Variants in INO80D observed in about 807,000 individuals in gnomAD.
INO80D encodes the protein INO80 complex subunit D.
INO80D carries 21 observed loss-of-function variants against 87.6 expected under a neutral mutation model. The ratio of observed to expected loss-of-function variants is 0.24; its 90% CI spans 0.17 to 0.35. The LOEUF (loss-of-function observed/expected upper bound fraction) is 0.35. Ranked by LOEUF, INO80D falls within the 10% of genes least tolerant of loss-of-function variation. The probability of loss-of-function intolerance (pLI) is 1.00; values close to 1 mark genes in which losing one functional copy is unlikely to be tolerated. For missense variants in INO80D, 982 were observed against 1,280.7 expected, an observed-to-expected ratio of 0.77 and a Z score of 3.56; for synonymous variants, 440 against 491.0, an observed-to-expected ratio of 0.90 and a Z score of 1.37.
At position 206,062,824 on chromosome 2, in the gene INO80D, G is replaced by A; in HGVS notation, c.193C>T (p.Pro65Ser). 6.2e-7 allele frequency: 1 copy of A among 1,610,296 alleles called. No individual in the cohort carries two copies. Among genetic ancestry groups the A allele is most frequent in the Admixed American group, 1.7e-5 (1 of 58,448 alleles). Residue 65 changes from proline (P) to serine (S), a missense_variant, in exon 3 of 11, where the codon CCC becomes TCC. Transcript: ENST00000403263. This position sits in a 1 kb window ranked among gnomAD's most constrained non-coding sequence, Gnocchi z 4.6. ...CTACGATCCTCTGATTTGGGGATGG[G>A]GTTGGTGCAGCGTTGGCTGTTATAC... Reference protein sequence around the residue: ...AKYNSQRCTNPIPKSEDRRYC... With the variant: ...AKYNSQRCTNSIPKSEDRRYC...
chr2:206,044,801 G>A (rs1689152810), intron 5 of INO80D, among the ~76,000 whole-genome samples: 1 of 152,156 alleles, frequency 6.6e-6, no homozygotes, highest in South Asian at 2.1e-4. Context: ...CCATGTACCA[G>A]GTTTTGGCTG....
At chr2:206,058,263 C>CA (rs1388926498) in intron 3 of INO80D, among the ~76,000 whole-genome samples, 1 of 151,170 alleles carries the variant, frequency 6.6e-6, no homozygotes, top group Non-Finnish European at 1.5e-5. Flanking sequence ...ATTAAAAATA[C>CA]AAAAAATTAG....
At chr2:206,070,413 G>C (rs1278511063) in intron 1 of INO80D, among the ~76,000 whole-genome samples, 2 of 150,652 alleles carry the variant, frequency 1.3e-5, no homozygotes, top group Admixed American at 6.6e-5. Flanking sequence ...GCAACAGAAT[G>C]AGACTCTGTC....
At chr2:206,011,895 G>C (rs1237783798) in intron 8 of INO80D, among the ~76,000 whole-genome samples, 1 of 152,184 alleles carries the variant, frequency 6.6e-6, no homozygotes, top group Non-Finnish European at 1.5e-5. Flanking sequence ...AGAAAAATGA[G>C]GTAGAGTATG....
rs1216685376 is a variant in INO80D at position 206,085,102 on chromosome 2, C to T, written c.-124+799G>A. On this transcript the variant is annotated intron_variant, in intron 1 of 10. Coordinates refer to ENST00000403263, the MANE Select transcript of INO80D (RefSeq NM_017759.5). The surrounding 1 kb of genome is among the most constrained non-coding windows in gnomAD (Gnocchi z 4.5). ...TTTCAAAATAGCCGAGTGCGCTCCCCCACGCCCTGGGGGGTCCCGGGCGCT... is the reference window on the plus strand; with the variant it reads ...TTTCAAAATAGCCGAGTGCGCTCCCTCACGCCCTGGGGGGTCCCGGGCGCT... 2.0e-5 allele frequency among the ~76,000 whole-genome samples: 3 copies of T among 152,058 alleles called. No individual in the cohort carries two copies. In the East Asian group the frequency reaches 5.8e-4, roughly 30 times the overall value.
Position 206,013,328 on chromosome 2 carries a change from C to T in INO80D, c.1543-3534G>A, listed in dbSNP as rs369542424. 3.4e-4 allele frequency among the ~76,000 whole-genome samples: 52 copies of T among 151,718 alleles called. No individual in the cohort carries two copies. In the East Asian group the frequency reaches 6.6e-3, roughly 19 times the overall value. Reference sequence around the variant, plus strand: ...CAGCACTTTGGGAGGCCAAGGTGGGCGGATCATGAGGTCAGGAGATCGAGA... The same window carrying T: ...CAGCACTTTGGGAGGCCAAGGTGGGTGGATCATGAGGTCAGGAGATCGAGA... On this transcript the variant is annotated intron_variant, in intron 8 of 10. Transcript: ENST00000403263.
chr2:206,005,783 C>T (rs1396668921), intron 10 of INO80D, among the ~76,000 whole-genome samples: 2 of 152,154 alleles, frequency 1.3e-5, no homozygotes, highest in East Asian at 3.9e-4. Flanking sequence ...CAAAAACCAT[C>T]TTATCAAAGT....
intron 8 of INO80D, among the ~76,000 whole-genome samples, chr2:206,015,955 CAGGGGAACCTCTGCTAGA>C (rs1479012997): frequency 6.6e-6 from 1 of 152,108 alleles, no homozygotes; most frequent in African/African-American, 2.4e-5. Flanking sequence ...TGGGGCCCTC[CAGGGGAACCTCTGCTAGA>C]ATAGTGCAGA....
chr2:206,004,558 G>T lies in INO80D; in HGVS notation c.2894C>A (p.Ser965Tyr). 6.2e-7 allele frequency: 1 copy of T among 1,610,882 alleles called. No individual in the cohort carries two copies. Residue 965 changes from serine to tyrosine, a missense_variant, in exon 11 of 11, where the codon TCC (serine) becomes TAC (tyrosine). Physicochemically the swap from Ser to Tyr is moderately radical, Grantham distance 144. Coordinates refer to ENST00000403263, the MANE Select transcript of INO80D (RefSeq NM_017759.5). The surrounding 1 kb of genome is among the most constrained non-coding windows in gnomAD (Gnocchi z 4.9). ...GMGPSAELMA[S>Y]TSPKQQLPQF... is the part of the protein sequence containing the mutation. ...AGGGAGTTGCTGCTTGGGAGAGGTGGAGGCCATTAGTTCAGCAGAAGGCCC... is the reference window on the plus strand; with the variant it reads ...AGGGAGTTGCTGCTTGGGAGAGGTGTAGGCCATTAGTTCAGCAGAAGGCCC...
chr2:206,036,546 C>T (rs1296337288), intron 5 of INO80D, among the ~76,000 whole-genome samples: 1 of 152,074 alleles, frequency 6.6e-6, no homozygotes, highest in Non-Finnish European at 1.5e-5. Flanking sequence ...GACCCAAAGG[C>T]ATAAGCAAGA....
At chr2:206,030,868 G>A (rs1455393876) in intron 5 of INO80D, among the ~76,000 whole-genome samples, 1 of 152,140 alleles carries the variant, frequency 6.6e-6, no homozygotes, top group Non-Finnish European at 1.5e-5. Context: ...GAAGAAGAGA[G>A]AGAAGAAGGC....
chr2:206,001,378 G>A lies in INO80D; in HGVS notation c.*2990C>T, dbSNP rs182764612. The A allele has an allele frequency of 9.2e-5, 14 of 152,200 alleles. No individual in the cohort carries two copies. The East Asian group carries it at 2.7e-3, about 29-fold the overall frequency. 9.4% of individuals were successfully genotyped at this position (152,200 alleles called of 1,614,324 possible). A position where few individuals can be genotyped will look rare whatever the true frequency, so the allele number is the denominator to read the frequency against. The stretch of plus-strand genomic sequence containing the variant: ...ACAATCTAACTGGCCTTTATAAATA[G>A]TCCCAAAGAACTGCAGAAACAGAGT... On this transcript the variant is annotated 3_prime_UTR_variant, in exon 11 of 11. Coordinates refer to ENST00000403263, the MANE Select transcript of INO80D (RefSeq NM_017759.5).
chr2:206,070,714 C>G (rs915560467), intron 1 of INO80D, among the ~76,000 whole-genome samples: 1 of 147,152 alleles, frequency 6.8e-6, no homozygotes, highest in African/African-American at 2.5e-5. Flanking sequence ...GACTCCGTCT[C>G]AAAAAAAAAG....
intron 8 of INO80D, 134 bp downstream of exon 8, chr2:206,017,546 C>T: frequency 3.2e-6 from 2 of 632,470 alleles, no homozygotes; most frequent in Non-Finnish European, 5.1e-6. Context: ...TAAAATGTAT[C>T]TTAAGGGAAT....
intron 6 of INO80D, among the ~76,000 whole-genome samples, chr2:206,026,923 T>C (rs1688630235): frequency 6.6e-6 from 1 of 152,038 alleles, no homozygotes; most frequent in South Asian, 2.1e-4. Context: ...CATAGGGAAA[T>C]GGCTATGGTA....
chr2:206,066,532 G>A (rs1210044646), intron 1 of INO80D, among the ~76,000 whole-genome samples: 2 of 152,106 alleles, frequency 1.3e-5, no homozygotes, highest in South Asian at 4.1e-4. Flanking sequence ...GGCACCAGGC[G>A]TGGTGGCTCA....
chr2:206,020,551 T>G (rs1298856123), intron 6 of INO80D, among the ~76,000 whole-genome samples: 1 of 152,212 alleles, frequency 6.6e-6, no homozygotes, highest in Non-Finnish European at 1.5e-5. Context: ...GAACTCACTT[T>G]AGATCTATTT....
intron 3 of INO80D, among the ~76,000 whole-genome samples, chr2:206,058,023 T>C (rs1338392919): frequency 6.6e-6 from 1 of 152,200 alleles, no homozygotes; most frequent in East Asian, 1.9e-4. Context: ...CATTTGTTGA[T>C]GTCATGTTTT....
At chr2:206,012,202 A>G (rs817993) in intron 8 of INO80D, among the ~76,000 whole-genome samples, 109,220 of 152,110 alleles carry the variant, frequency 0.72, 40,063 homozygotes, top group South Asian at 0.84. Flanking sequence ...TCTGGAAAAT[A>G]CAGAAGTATA....
Sources: allele counts gnomAD v4.1 joint callset (sites outside exome capture counted in the v4.1 genomes callset), GRCh38; gene constraint gnomAD v4.1.1; non-coding constraint Gnocchi (gnomAD v3.1); transcripts MANE v1.5; gene names NCBI Gene and HGNC (gene_info 2026-07-23, HGNC 2026-07-21).